SLC4A8: variants seen among roughly 807,000 people sequenced by gnomAD.
SLC4A8 encodes the protein electroneutral sodium bicarbonate exchanger 1.
SLC4A8 carries 40 observed loss-of-function variants against 125.0 expected under a neutral mutation model. The observed-to-expected ratio is 0.32, with a 90% confidence interval of 0.25 to 0.42. The LOEUF (loss-of-function observed/expected upper bound fraction) is 0.42. SLC4A8 is among the 10% of genes least tolerant of loss of function. SLC4A8 has a pLI of 1.00. For synonymous variants in SLC4A8, 456 were observed against 476.0 expected, an observed-to-expected ratio of 0.96 and a Z score of 0.55; for missense variants, 863 against 1,355.1, an observed-to-expected ratio of 0.64 and a Z score of 5.70.
intron 22 of SLC4A8, among the ~76,000 whole-genome samples, chr12:51,500,608 G>T (rs2138437489): frequency 6.6e-6 from 1 of 151,722 alleles, no homozygotes; most frequent in South Asian, 2.1e-4. Context: ...AAAATTTTTA[G>T]TTGTTTTATA....
At position 51,511,724 on chromosome 12, in the gene SLC4A8, T is replaced by A. The variant is rs948715949; in HGVS notation, c.*4286T>A. The stretch of plus-strand genomic sequence containing the variant: ...TAAGGAAGTTATTTATCGTCACAAG[T>A]GTTGTCATCTGTGACTCATGGGCCA... On this transcript the variant is annotated 3_prime_UTR_variant, in exon 25 of 25. Coordinates refer to ENST00000453097, the MANE Select transcript of SLC4A8 (RefSeq NM_001039960.3). The A allele has an allele frequency of 6.6e-6, 1 of 152,234 alleles. No individual in the cohort carries two copies. The highest frequency in any genetic ancestry group is 2.4e-5 in the African/African-American group (1 of 41,462). The allele number at this position is 152,234 out of a possible 1,614,324, so 9.4% of individuals were successfully genotyped here.
intron 1 of SLC4A8, among the ~76,000 whole-genome samples, chr12:51,394,176 C>T (rs981764896): frequency 2.2e-4 from 34 of 152,206 alleles, no homozygotes; most frequent in Admixed American, 2.0e-3. Context: ...GGCCATTACC[C>T]CCAGCCTGGT....
At chr12:51,416,602 C>T (rs897850337) in intron 1 of SLC4A8, among the ~76,000 whole-genome samples, 7 of 151,984 alleles carry the variant, frequency 4.6e-5, no homozygotes, top group Admixed American at 2.0e-4. Context: ...AAAATAGTGC[C>T]GCTGCACTCC....
intron 1 of SLC4A8, among the ~76,000 whole-genome samples, chr12:51,436,581 T>C (rs1949423862): frequency 6.6e-6 from 1 of 152,186 alleles, no homozygotes; most frequent in South Asian, 2.1e-4. Flanking sequence ...AAAAAAATCT[T>C]TTGTGACTTT....
intron 13 of SLC4A8, 93 bp downstream of exon 13, chr12:51,470,618 A>G: frequency 8.3e-7 from 1 of 1,201,072 alleles, no homozygotes; most frequent in Non-Finnish European, 1.2e-6. Context: ...CAGACAGGCA[A>G]TATCATTTTG....
chr12:51,509,247 A>G lies in SLC4A8; in HGVS notation c.*1809A>G, dbSNP rs1444561900. On this transcript the variant is annotated 3_prime_UTR_variant, in exon 25 of 25. Transcript: ENST00000453097. ...TCTATCACAAGGCTGTTTTGGGCAC[A>G]GCCTTAGCTTCCTTTCATATATATA... 6.6e-6 allele frequency: 1 copy of G among 152,606 alleles called. No homozygotes were observed. 9.5% of individuals were successfully genotyped at this position (152,606 alleles called of 1,614,324 possible).
chr12:51,493,299 G>A (rs189013266), intron 19 of SLC4A8, among the ~76,000 whole-genome samples: 1 of 152,134 alleles, frequency 6.6e-6, no homozygotes, highest in Non-Finnish European at 1.5e-5. Context: ...TTTGGTTCAC[G>A]TTAAAATACA....
At chr12:51,493,555 G>A (rs926700732) in intron 19 of SLC4A8, 149 bp from the exon 20 acceptor site, 3 of 621,796 alleles carry the variant, frequency 4.8e-6, no homozygotes, top group Non-Finnish European at 8.8e-6. Context: ...CTACTCCTAA[G>A]TCACCCACAG....
intron 22 of SLC4A8, among the ~76,000 whole-genome samples, chr12:51,499,624 TACACACACAC>T (rs143239328): frequency 2.1e-5 from 3 of 143,238 alleles, no homozygotes; most frequent in South Asian, 2.3e-4. Context: ...GCTATAATTC[TACACACACAC>T]ACACACACAC....
Position 51,491,740 on chromosome 12 carries a change from G to GACACACACACAC in SLC4A8, c.2700+1816_2700+1827dup, listed in dbSNP as rs35694156. ...CTCCACCCCTGTCTGGGGATGGGCA[G>GACACACACACAC]ACACACACACACACACACACACACA... On this transcript the variant is annotated intron_variant, in intron 19 of 24. Coordinates refer to ENST00000453097, the MANE Select transcript of SLC4A8 (RefSeq NM_001039960.3). 2.9e-3 allele frequency among the ~76,000 whole-genome samples: 429 copies of GACACACACACAC among 146,014 alleles called. 7 individuals carry two copies. Among genetic ancestry groups the GACACACACACAC allele is most frequent in the East Asian group, 0.015 (73 of 4,978 alleles).
In SLC4A8 at chr12:51,424,849, A is replaced by G; in HGVS notation, c.-139A>G. On this transcript the variant is annotated 5_prime_UTR_variant, in exon 1 of 25. Transcript: ENST00000453097. ...ATGCCTCGCGGGCCGGTGGCTATGG[A>G]GGCGGCGGCGGTTGATGGTTGACCG... The G allele has an allele frequency of 1.2e-6, 1 of 869,328 alleles. No individual in the cohort carries two copies. Among genetic ancestry groups the G allele is most frequent in the African/African-American group, 1.7e-5 (1 of 57,186 alleles). The allele number at this position is 869,328 out of a possible 1,614,324, so 53.9% of individuals were successfully genotyped here.
intron 22 of SLC4A8, among the ~76,000 whole-genome samples, 199 bp from the exon 23 acceptor site, chr12:51,503,830 C>CT (rs1267392019): frequency 1.3e-5 from 2 of 151,860 alleles, no homozygotes; most frequent in Non-Finnish European, 2.9e-5. Context: ...TTCTTTTTTT[C>CT]TTTTTTGAAT....
chr12:51,394,660 A>C (rs1948224026), intron 1 of SLC4A8, among the ~76,000 whole-genome samples: 1 of 152,170 alleles, frequency 6.6e-6, no homozygotes, highest in Non-Finnish European at 1.5e-5. Context: ...CAAAAAATAA[A>C]AATACAACAG....
chr12:51,503,199 T>C (rs887678405), intron 22 of SLC4A8, among the ~76,000 whole-genome samples: 2 of 151,178 alleles, frequency 1.3e-5, no homozygotes, highest in African/African-American at 2.4e-5. Context: ...TTTTACCTTA[T>C]GGATTATTAT....
In SLC4A8 at chr12:51,493,765, G is replaced by A; in HGVS notation, c.2762G>A (p.Gly921Glu). 6.3e-7 allele frequency: 1 copy of A among 1,598,946 alleles called. No individual in the cohort carries two copies. Residue 921 changes from glycine to glutamate, a missense_variant, in exon 20 of 25, where the codon GGA (glycine) becomes GAA (glutamate). Gly to Glu is a moderately conservative substitution (Grantham distance 98). Around this residue, in one of 6 missense-constraint regions of SLC4A8, gnomAD observed 197 missense variants for 377.7 expected, o/e 0.52. Coordinates refer to ENST00000453097, the MANE Select transcript of SLC4A8 (RefSeq NM_001039960.3). ...TACATGGGAGTTTCTTCACTACAGG[G>A]AATTCAGGTATTGTATGGTTCAGCC... ...FLYMGVSSLQGIQFFDRLKLF... is the reference protein window; with the variant it reads ...FLYMGVSSLQEIQFFDRLKLF...
At position 51,471,442 on chromosome 12, in the gene SLC4A8, T is replaced by G; in HGVS notation, c.1814T>G (p.Phe605Cys). ...EAFASLICIIFIYEAIEKLIH... is the reference protein window; with the variant it reads ...EAFASLICIICIYEAIEKLIH... Reference sequence around the variant, plus strand: ...TTTGCCTCCCTAATTTGCATTATTTTCATCTATGAAGCAATAGAAAAACTG... The same window carrying G: ...TTTGCCTCCCTAATTTGCATTATTTGCATCTATGAAGCAATAGAAAAACTG... The change falls in exon 14 of 25, where the codon TTC becomes TGC. Residue 605 changes from phenylalanine to cysteine, a missense_variant. Coordinates refer to ENST00000453097, the MANE Select transcript of SLC4A8 (RefSeq NM_001039960.3). 1 of 1,614,230 alleles carries G rather than the reference T, an allele frequency of 6.2e-7. No homozygotes were observed. The highest frequency in any genetic ancestry group is 8.5e-7 in the Non-Finnish European group (1 of 1,180,026).
At chr12:51,506,304 T>C (rs1938167129) in intron 24 of SLC4A8, among the ~76,000 whole-genome samples, 1 of 152,254 alleles carries the variant, frequency 6.6e-6, no homozygotes, top group Admixed American at 6.5e-5. Flanking sequence ...ATTCAGATAG[T>C]GTTGATAGTA....
Position 51,494,871 on chromosome 12 carries a change from G to T in SLC4A8, c.2770-74G>T, listed in dbSNP as rs575455908. On this transcript the variant is annotated intron_variant, in intron 20 of 24. Transcript: ENST00000453097. ...ACCTTTCAGAGCAGGTAATGTAAGA[G>T]ATATGAATTGGTCTAACAAAGCTTC... 113 of 1,182,202 alleles carry T rather than the reference G, an allele frequency of 9.6e-5. 1 individual carries two copies. In the African/African-American group the frequency reaches 1.0e-3, roughly 11 times the overall value. 73.2% of individuals were successfully genotyped at this position (1,182,202 alleles called of 1,614,324 possible).
chr12:51,392,340 G>A (rs936797505), intron 1 of SLC4A8, among the ~76,000 whole-genome samples: 11 of 152,018 alleles, frequency 7.2e-5, no homozygotes, highest in Admixed American at 2.0e-4. Flanking sequence ...TTGGGAGGCC[G>A]AGGCGGGCGG....
Sources: gnomAD v4.1 joint callset for allele counts (sites outside exome capture counted in the v4.1 genomes callset) on GRCh38, gnomAD v4.1.1 for gene constraint, gnomAD v4.1.1 regional missense constraint, MANE v1.5 for transcripts, NCBI Gene and HGNC (gene_info 2026-07-23, HGNC 2026-07-21) for gene names.